The following CLASP1 variants were observed in gnomAD, a reference collection of about 807,000 sequenced individuals.
CLASP1 encodes the protein CLIP-associating protein 1.
In CLASP1, 38 loss-of-function variants were observed where a neutral mutation model predicts 192.3. That is an observed-to-expected ratio of 0.20 (90% confidence interval 0.15 to 0.26). CLASP1 has a LOEUF of 0.26. Among genes scored for constraint, CLASP1 ranks in the 10% least tolerant of loss-of-function variants. CLASP1 has a pLI of 1.00. For synonymous variants in CLASP1, 691 were observed against 712.8 expected (o/e 0.97, Z 0.49); for missense variants, 1,433 against 1,932.5 (o/e 0.74, Z 4.85).
At position 121,346,588 on chromosome 2, in the gene CLASP1, G is replaced by A. The variant is rs148636728; in HGVS notation, c.4530+450C>T. The stretch of plus-strand genomic sequence containing the variant: ...TGACCATGCCCACAGGGATGTTGCC[G>A]TAAACATGAGTCAACGCATGCAAAG... On this transcript the variant is annotated intron_variant, in intron 39 of 39. Transcript: ENST00000263710. Among the ~76,000 whole-genome samples, 11 of 152,330 alleles carry A rather than the reference G, an allele frequency of 7.2e-5. No individual in the cohort carries two copies. In the East Asian group the frequency reaches 1.4e-3, roughly 19 times the overall value.
chr2:121,357,393 G>C lies in CLASP1; in HGVS notation c.4206+5779C>G, dbSNP rs575945692. Reference sequence around the variant, plus strand: ...ACTTGACTTTAATGCTAGCCTCTCAGCGCAGGGTATAAAACACCTGCCCCC... The same window carrying C: ...ACTTGACTTTAATGCTAGCCTCTCACCGCAGGGTATAAAACACCTGCCCCC... On this transcript the variant is annotated intron_variant, in intron 37 of 39. Coordinates refer to ENST00000263710, the Ensembl canonical transcript of CLASP1. Among the ~76,000 whole-genome samples the C allele has an allele frequency of 6.8e-4, 104 of 152,162 alleles. 4 individuals are homozygous for C. The South Asian group carries it at 0.021, about 31-fold the overall frequency.
At chr2:121,459,906 G>T in intron 12 of CLASP1, 74 bp downstream of exon 12, 2 of 1,413,346 alleles carry the variant, frequency 1.4e-6, no homozygotes, top group Non-Finnish European at 1.9e-6. Flanking sequence ...CAGCTCACAT[G>T]TTCAAGGAGA....
chr2:121,530,927 G>GC (rs1323260662), intron 2 of CLASP1: 1 of 699,834 alleles, frequency 1.4e-6, no homozygotes, highest in Non-Finnish European at 2.6e-6. Context: ...AGCGCATAGT[G>GC]AGGGCAGTAC....
At chr2:121,638,585 C>G (rs1465620282) in intron 1 of CLASP1, among the ~76,000 whole-genome samples, 3 of 151,834 alleles carry the variant, frequency 2.0e-5, no homozygotes, top group Non-Finnish European at 4.4e-5. Flanking sequence ...CAACGTCCAC[C>G]AACAAATTAA....
intron 1 of CLASP1, among the ~76,000 whole-genome samples, chr2:121,631,158 CAAAAAAA>C (rs869087192): frequency 1.2e-4 from 8 of 65,150 alleles, no homozygotes; most frequent in Non-Finnish European, 2.2e-4. Context: ...GACTCCAGCT[CAAAAAAA>C]AAAAAAAAAA....
At chr2:121,554,611 G>A (rs1457089525) in intron 2 of CLASP1, among the ~76,000 whole-genome samples, 1 of 151,840 alleles carries the variant, frequency 6.6e-6, no homozygotes, top group Non-Finnish European at 1.5e-5. Context: ...GCCTGACCTT[G>A]TCTTAAAAAA....
intron 19 of CLASP1, among the ~76,000 whole-genome samples, chr2:121,438,578 T>C (rs2082715603): frequency 6.6e-6 from 1 of 152,202 alleles, no homozygotes; most frequent in African/African-American, 2.4e-5. Context: ...TCTGCATCTA[T>C]TGAGATAATC....
At chr2:121,507,933 A>G (rs1240698229) in intron 7 of CLASP1, among the ~76,000 whole-genome samples, 1 of 152,212 alleles carries the variant, frequency 6.6e-6, no homozygotes, top group African/African-American at 2.4e-5. Flanking sequence ...TGTATGTAAC[A>G]AAACTATTCA....
At chr2:121,410,680 T>C (rs529304289) in intron 24 of CLASP1, among the ~76,000 whole-genome samples, 186 bp downstream of exon 25, 3 of 152,324 alleles carry the variant, frequency 2.0e-5, no homozygotes, top group Non-Finnish European at 2.9e-5. Flanking sequence ...TTCACTTATA[T>C]GTGTGCAGAG....
chr2:121,646,042 A>C (rs772625355), intron 1 of CLASP1, among the ~76,000 whole-genome samples: 17 of 152,356 alleles, frequency 1.1e-4, no homozygotes, highest in Non-Finnish European at 2.1e-4. Flanking sequence ...ACATCTTACA[A>C]ACCAAAAACT....
chr2:121,452,145 T>C (rs571176443), intron 14 of CLASP1, among the ~76,000 whole-genome samples: 31 of 152,316 alleles, frequency 2.0e-4, no homozygotes, highest in African/African-American at 7.5e-4. Context: ...ACCACTGTCA[T>C]TCATTTTTAT....
At chr2:121,548,774 A>T (rs1024255332) in intron 2 of CLASP1, among the ~76,000 whole-genome samples, 4 of 152,046 alleles carry the variant, frequency 2.6e-5, no homozygotes, top group African/African-American at 9.7e-5. Context: ...TCTTAAATAA[A>T]AAAAAAAAAA....
intron 8 of CLASP1, among the ~76,000 whole-genome samples, chr2:121,489,562 C>T (rs1463200133): frequency 6.6e-6 from 1 of 152,150 alleles, no homozygotes; most frequent in African/African-American, 2.4e-5. Flanking sequence ...ACTAGGAAAG[C>T]AAGACAGTGA....
intron 30 of CLASP1, 95 bp from the exon 32 acceptor site, chr2:121,388,001 C>CACTA (rs1391449921): frequency 2.0e-6 from 2 of 982,918 alleles, no homozygotes; most frequent in Non-Finnish European, 3.0e-6. Context: ...TAAGTAAAAT[C>CACTA]ACTAATAAGA....
chr2:121,580,760 T>C (rs183839925), intron 2 of CLASP1, among the ~76,000 whole-genome samples: 1 of 152,358 alleles, frequency 6.6e-6, no homozygotes, highest in East Asian at 1.9e-4. Flanking sequence ...AAATCAATCA[T>C]GCACATATTT....
At chr2:121,364,089 T>A (rs528246940) in intron 36 of CLASP1, 4 of 152,296 alleles carry the variant, frequency 2.6e-5, no homozygotes, top group East Asian at 3.9e-4. Context: ...AAGTTTTTTT[T>A]AAAAAAGTAA....
intron 34 of CLASP1, among the ~76,000 whole-genome samples, chr2:121,369,358 C>CA: frequency 6.6e-6 from 1 of 152,060 alleles, no homozygotes; most frequent in Middle Eastern, 3.4e-3. Context: ...AGGTATAAAT[C>CA]AAATCTTAAC....
intron 8 of CLASP1, among the ~76,000 whole-genome samples, chr2:121,492,425 A>T (rs1182193474): frequency 2.7e-5 from 4 of 150,650 alleles, no homozygotes; most frequent in Admixed American, 6.6e-5. Flanking sequence ...GTGAAAAGAT[A>T]AGCCACAGAA....
intron 8 of CLASP1, among the ~76,000 whole-genome samples, chr2:121,473,940 A>G (rs1276265624): frequency 6.6e-6 from 1 of 152,254 alleles, no homozygotes; most frequent in Non-Finnish European, 1.5e-5. Context: ...GAAATGTAAC[A>G]GGAAGATCTT....
Sources: gnomAD v4.1 joint callset for allele counts (sites outside exome capture counted in the v4.1 genomes callset) on GRCh38, gnomAD v4.1.1 for gene constraint, MANE v1.5 for transcripts, NCBI Gene and HGNC (gene_info 2026-07-23, HGNC 2026-07-21) for gene names.